The following AXDND1 variants were observed in gnomAD, a reference collection of about 807,000 sequenced individuals.
AXDND1 encodes the protein axonemal dynein light chain domain containing 1.
In AXDND1, 110 loss-of-function variants were observed where a neutral mutation model predicts 137.5. That is an observed-to-expected ratio of 0.80 (90% CI 0.69 to 0.94). AXDND1 has a LOEUF of 0.94. Among genes scored for constraint, AXDND1 ranks in the 40% least tolerant of loss-of-function variants. The pLI is 0.00. For synonymous variants in AXDND1, 414 were observed against 399.7 expected (o/e 1.04, Z -0.43); for missense variants, 1,191 against 1,169.8 (o/e 1.02, Z -0.26).
chr1:179,543,740 A>G (rs566745157), intron 25 of AXDND1: 1 of 152,354 alleles, frequency 6.6e-6, no homozygotes, highest in East Asian at 1.9e-4. Flanking sequence ...AAACAGTTAA[A>G]TGACCACACT....
rs780325208 is a variant in AXDND1 at position 179,492,844 on chromosome 1, C to T, written c.2292-11C>T. The T allele has an allele frequency of 5.7e-6, 9 of 1,569,168 alleles. No homozygotes were observed. The highest frequency in any genetic ancestry group is 1.2e-5 in the South Asian group (1 of 85,216). On this transcript the variant is annotated splice_polypyrimidine_tract_variant and intron_variant, in intron 19 of 25. Coordinates refer to ENST00000367618, the MANE Select transcript of AXDND1 (RefSeq NM_144696.6). ...CTCTTTTTCTTTTTCTTTTTTTCCC[C>T]CTTTTTGCAGTTGTTGCAAAGGGAT...
At chr1:179,368,021 G>T (rs1667641113) in intron 2 of AXDND1, among the ~76,000 whole-genome samples, 2 of 149,598 alleles carry the variant, frequency 1.3e-5, no homozygotes, top group Admixed American at 6.7e-5. Context: ...CAGGAGATTT[G>T]GTAATGTAAA....
At chr1:179,370,162 T>A in intron 4 of AXDND1, 84 bp downstream of exon 4, 2 of 1,057,478 alleles carry the variant, frequency 1.9e-6, no homozygotes, top group South Asian at 1.4e-5. Flanking sequence ...GGGGCAGAAT[T>A]AGAAAAATCA....
intron 16 of AXDND1, chr1:179,451,605 CAT>C (rs1304850844): frequency 1.3e-5 from 2 of 152,172 alleles, no homozygotes; most frequent in Non-Finnish European, 2.9e-5. Context: ...TGAATTTCCA[CAT>C]GTTGTGGGAG....
intron 25 of AXDND1, among the ~76,000 whole-genome samples, chr1:179,540,501 G>T (rs1451394973): frequency 1.3e-5 from 2 of 152,192 alleles, no homozygotes; most frequent in Non-Finnish European, 2.9e-5. Flanking sequence ...GACCCTGTTT[G>T]CCTGGGTATC....
At chr1:179,456,849 ATG>A in intron 16 of AXDND1, 1 of 823,938 alleles carries the variant, frequency 1.2e-6, no homozygotes, top group Non-Finnish European at 2.1e-6. Context: ...CTATTTCTGA[ATG>A]ACAGTTTTAT....
chr1:179,448,632 G>T, intron 16 of AXDND1: 1 of 245,134 alleles, frequency 4.1e-6, no homozygotes, highest in South Asian at 5.0e-5. Flanking sequence ...CGCCGCCAGC[G>T]CTCCGCACTG....
At chr1:179,481,837 G>A (rs10913794) in intron 17 of AXDND1, among the ~76,000 whole-genome samples, 130,874 of 152,228 alleles carry the variant, frequency 0.86, 56,447 homozygotes, top group East Asian at 0.9. Flanking sequence ...CTTTCATGTA[G>A]TTTTGGCTCC....
chr1:179,432,409 C>A, intron 15 of AXDND1, 67 bp downstream of exon 15: 1 of 1,449,914 alleles, frequency 6.9e-7, no homozygotes, highest in Non-Finnish European at 9.1e-7. Context: ...TCCGGACCTA[C>A]AACTGAGGCA....
At chr1:179,535,004 A>G in intron 25 of AXDND1, 42 bp downstream of exon 25, 1 of 1,605,100 alleles carries the variant, frequency 6.2e-7, no homozygotes, top group Non-Finnish European at 8.5e-7. Context: ...GGTTGTATTT[A>G]TGAAAGAAAA....
intron 21 of AXDND1, among the ~76,000 whole-genome samples, chr1:179,522,565 A>T (rs1670162734): frequency 6.6e-6 from 1 of 152,080 alleles, no homozygotes; most frequent in African/African-American, 2.4e-5. Flanking sequence ...AATTCTATGC[A>T]GATAAAGTAG....
intron 12 of AXDND1, among the ~76,000 whole-genome samples, chr1:179,413,915 T>A (rs1285021912): frequency 1.3e-5 from 2 of 152,094 alleles, no homozygotes; most frequent in Non-Finnish European, 2.9e-5. Context: ...GTTTTTTTTT[T>A]ACTTTTTAAT....
At chr1:179,387,620 C>T (rs912755413) in intron 9 of AXDND1, among the ~76,000 whole-genome samples, 4 of 152,114 alleles carry the variant, frequency 2.6e-5, no homozygotes, top group African/African-American at 9.7e-5. Flanking sequence ...TACAAATATT[C>T]GTTAGCTTTG....
rs560666330 is a variant in AXDND1 at position 179,458,055 on chromosome 1, T to C, written c.1799-10388T>C. ...CTGAGGCCTGAGTGTAGTGGTATGA[T>C]CATGGCTCACAGCAGCCTCAAACTG... On this transcript the variant is annotated intron_variant, in intron 16 of 25. Coordinates refer to ENST00000367618, the MANE Select transcript of AXDND1 (RefSeq NM_144696.6). Among the ~76,000 whole-genome samples the C allele has an allele frequency of 2.6e-5, 4 of 151,712 alleles. No homozygotes were observed. In the South Asian group the frequency reaches 8.3e-4, roughly 31 times the overall value.
chr1:179,450,526 T>C (rs930502345), intron 16 of AXDND1: 2 of 148,658 alleles, frequency 1.3e-5, no homozygotes, highest in African/African-American at 5.0e-5. Flanking sequence ...TTGAATTCTT[T>C]TACATGAAAA....
intron 12 of AXDND1, among the ~76,000 whole-genome samples, chr1:179,419,003 C>T (rs1655207602): frequency 6.6e-6 from 1 of 151,862 alleles, no homozygotes; most frequent in African/African-American, 2.4e-5. Flanking sequence ...AGGCGCTCCC[C>T]ACATCTCAGA....
chr1:179,456,627 C>G, intron 16 of AXDND1: 1 of 838,980 alleles, frequency 1.2e-6, no homozygotes, highest in Non-Finnish European at 2.0e-6. Context: ...CCCACTGCCA[C>G]CATATCCATC....
chr1:179,366,646 C>G (rs1211206393), intron 2 of AXDND1, 40 bp downstream of exon 2: 1 of 1,517,368 alleles, frequency 6.6e-7, no homozygotes, highest in Non-Finnish European at 9.1e-7. Context: ...CAGTCATGGC[C>G]GTAAGACAGA....
intron 20 of AXDND1, among the ~76,000 whole-genome samples, chr1:179,495,001 A>G (rs1384401495): frequency 6.6e-6 from 1 of 152,182 alleles, no homozygotes; most frequent in East Asian, 1.9e-4. Context: ...ATCTTGATTG[A>G]AAACCTTTTA....
Sources: allele counts gnomAD v4.1 joint callset (sites outside exome capture counted in the v4.1 genomes callset), GRCh38; gene constraint gnomAD v4.1.1; transcripts MANE v1.5; gene names NCBI Gene and HGNC (gene_info 2026-07-23, HGNC 2026-07-21).